SELENOI: variants seen among roughly 807,000 people sequenced by gnomAD.
SELENOI encodes ethanolaminephosphotransferase 1.
A neutral mutation model predicts 50.7 loss-of-function variants in SELENOI; 24 were observed. That is an observed-to-expected ratio of 0.47 (90% confidence interval 0.34 to 0.67). SELENOI has a LOEUF of 0.67. Among genes scored for constraint, SELENOI ranks in the 30% least tolerant of loss-of-function variants. The pLI, the probability that SELENOI is intolerant of heterozygous loss-of-function variation, is 0.01. For missense variants in SELENOI, 352 were observed against 461.4 expected (o/e 0.76, Z 2.17); for synonymous variants, 155 against 170.2 (o/e 0.91, Z 0.70).
At chr2:26,364,981 A>G in intron 3 of SELENOI, 41 bp downstream of exon 3, 4 of 1,400,882 alleles carry the variant, frequency 2.9e-6, no homozygotes, top group Non-Finnish European at 3.9e-6. Flanking sequence ...CTGAGTAGAA[A>G]AAAATGAAAT....
chr2:26,380,853 T>A (rs910544800), intron 6 of SELENOI, among the ~76,000 whole-genome samples: 6 of 152,196 alleles, frequency 3.9e-5, no homozygotes, highest in African/African-American at 1.4e-4. Flanking sequence ...TGTACAGTTT[T>A]AATTTGCCTT....
At chr2:26,380,683 T>C (rs1336608426) in intron 6 of SELENOI, among the ~76,000 whole-genome samples, 2 of 152,188 alleles carry the variant, frequency 1.3e-5, no homozygotes, top group African/African-American at 2.4e-5. Flanking sequence ...ATGTGTGCTG[T>C]TTTGCTTAAA....
At chr2:26,359,015 AG>A (rs998487858) in intron 1 of SELENOI, among the ~76,000 whole-genome samples, 3 of 152,214 alleles carry the variant, frequency 2.0e-5, no homozygotes, top group African/African-American at 7.2e-5. Context: ...TGTCTGAAGC[AG>A]GGGTTGTCAA....
intron 6 of SELENOI, among the ~76,000 whole-genome samples, chr2:26,380,358 C>T (rs528718615): frequency 1.3e-5 from 2 of 152,272 alleles, no homozygotes; most frequent in East Asian, 1.9e-4. Context: ...TACATGGTAG[C>T]ATTCCATTCT....
At chr2:26,360,896 T>C (rs1396150664) in intron 1 of SELENOI, among the ~76,000 whole-genome samples, 1 of 152,106 alleles carries the variant, frequency 6.6e-6, no homozygotes, top group Non-Finnish European at 1.5e-5. Flanking sequence ...TGGAGTGATA[T>C]CTATTATGGA....
At chr2:26,371,651 G>A (rs1055776445) in intron 4 of SELENOI, among the ~76,000 whole-genome samples, 104 of 152,372 alleles carry the variant, frequency 6.8e-4, no homozygotes, top group Non-Finnish European at 1.1e-3. Flanking sequence ...TCGCGGTTAG[G>A]AGCTGGAGAC....
intron 3 of SELENOI, 35 bp downstream of exon 3, chr2:26,364,975 G>C: frequency 7.0e-7 from 1 of 1,434,046 alleles, no homozygotes; most frequent in Non-Finnish European, 9.4e-7. Flanking sequence ...ATTTAACTGA[G>C]TAGAAAAAAA....
intron 1 of SELENOI, among the ~76,000 whole-genome samples, chr2:26,349,323 T>TTTTG (rs1558409176): frequency 8.4e-6 from 1 of 119,692 alleles, no homozygotes; most frequent in African/African-American, 3.2e-5. Flanking sequence ...TTTTTTTTTT[T>TTTTG]GAGATGGAGT....
intron 4 of SELENOI, among the ~76,000 whole-genome samples, chr2:26,369,604 G>A (rs1227898088): frequency 6.6e-6 from 1 of 152,058 alleles, no homozygotes; most frequent in Non-Finnish European, 1.5e-5. Flanking sequence ...ACTAATTAGT[G>A]TCCCTCTCTC....
chr2:26,364,078 C>CT (rs59396679), intron 1 of SELENOI, among the ~76,000 whole-genome samples: 1,926 of 114,876 alleles, frequency 0.017, 23 homozygotes, highest in African/African-American at 0.035. Context: ...CTTTCTCCCC[C>CT]TTTTTTTTTT....
At chr2:26,346,398 G>A in intron 1 of SELENOI, 109 bp downstream of exon 1, 2 of 1,336,098 alleles carry the variant, frequency 1.5e-6, no homozygotes, top group Non-Finnish European at 2.0e-6. Flanking sequence ...GCTCCGGGCG[G>A]GCTGGCGGGC....
At chr2:26,387,954 C>G (rs1215852544) in intron 9 of SELENOI, among the ~76,000 whole-genome samples, 1 of 152,144 alleles carries the variant, frequency 6.6e-6, no homozygotes, top group African/African-American at 2.4e-5. Context: ...AGGCAGCTAT[C>G]ATGCTTGATA....
rs1417978062 is a variant in SELENOI, at chr2:26,394,647, T to G, written c.*5544T>G. 2.8e-5 allele frequency: 4 copies of G among 144,656 alleles called. No individual in the cohort carries two copies. Among genetic ancestry groups the G allele is most frequent in the African/African-American group, 1.0e-4 (4 of 38,976 alleles). 9.0% of individuals were successfully genotyped at this position (144,656 alleles called of 1,614,324 possible). A position where few individuals can be genotyped will look rare whatever the true frequency, so the allele number is the denominator to read the frequency against. ...TTATTGAACTCTAAATTTCTGGGTG[T>G]TTTTTTTTTTAAAGTAGCATTTTCT... On this transcript the variant is annotated 3_prime_UTR_variant, in exon 10 of 10. Transcript: ENST00000260585. This position sits in a 1 kb window ranked among gnomAD's most constrained non-coding sequence, Gnocchi z 4.1.
At chr2:26,347,636 CT>C (rs2147940410) in intron 1 of SELENOI, among the ~76,000 whole-genome samples, 1 of 152,304 alleles carries the variant, frequency 6.6e-6, no homozygotes, top group African/African-American at 2.4e-5. Flanking sequence ...CAGATACCTC[CT>C]GTTTTGCCTT....
rs1487191604 is a variant in SELENOI, at chr2:26,390,784, A to T, written c.*1681A>T. 2.0e-5 allele frequency: 3 copies of T among 152,234 alleles called. No homozygotes were observed. The highest frequency in any genetic ancestry group is 7.2e-5 in the African/African-American group (3 of 41,444). The allele number at this position is 152,234 out of a possible 1,614,324, so 9.4% of individuals were successfully genotyped here. A position where few individuals can be genotyped will look rare whatever the true frequency, so the allele number is the denominator to read the frequency against. On this transcript the variant is annotated 3_prime_UTR_variant, in exon 10 of 10. Transcript: ENST00000260585. ...GATCCCATGTTTGTTAATTGCCATC[A>T]TGGAAGTCAGAGAATTAACCAATTA...
chr2:26,363,867 A>G (rs1175270052), intron 1 of SELENOI, among the ~76,000 whole-genome samples: 3 of 152,098 alleles, frequency 2.0e-5, no homozygotes, highest in Non-Finnish European at 4.4e-5. Context: ...CAGCCTCCCA[A>G]GTAGCTGGGA....
At chr2:26,373,722 G>T (rs1026608772) in intron 5 of SELENOI, 93 bp downstream of exon 5, 1 of 1,293,578 alleles carries the variant, frequency 7.7e-7, no homozygotes, top group South Asian at 1.5e-5. Flanking sequence ...AGGCTTTTTT[G>T]ATTAGAATTG....
rs1678069791 is a variant in SELENOI at position 26,395,443 on chromosome 2, C to T, written c.*6340C>T. ...CTTTGAGAAAGATGGCTGCTTCCACCAGGGTGGAGGCTTCTAGGTCTGCAT... is the reference window on the plus strand; with the variant it reads ...CTTTGAGAAAGATGGCTGCTTCCACTAGGGTGGAGGCTTCTAGGTCTGCAT... On this transcript the variant is annotated 3_prime_UTR_variant, in exon 10 of 10. Coordinates refer to ENST00000260585, the MANE Select transcript of SELENOI (RefSeq NM_033505.4). 1 of 152,290 alleles carries T rather than the reference C, an allele frequency of 6.6e-6. No homozygotes were observed. The highest frequency in any genetic ancestry group is 1.5e-5 in the Non-Finnish European group (1 of 68,048). 9.4% of individuals were successfully genotyped at this position (152,290 alleles called of 1,614,324 possible).
intron 6 of SELENOI, among the ~76,000 whole-genome samples, chr2:26,381,149 TA>T (rs1336734859): frequency 6.8e-6 from 1 of 147,418 alleles, no homozygotes; most frequent in Admixed American, 6.8e-5. Context: ...GGAATGAAAA[TA>T]TTTTTTATGA....
Sources: allele counts gnomAD v4.1 joint callset (sites outside exome capture counted in the v4.1 genomes callset), GRCh38; gene constraint gnomAD v4.1.1; non-coding constraint Gnocchi (gnomAD v3.1); transcripts MANE v1.5; gene names NCBI Gene and HGNC (gene_info 2026-07-23, HGNC 2026-07-21).